The following GTF2I variants were observed in gnomAD, a reference collection of about 807,000 sequenced individuals.
GTF2I encodes the protein general transcription factor IIi.
A neutral mutation model predicts 67.6 loss-of-function variants in GTF2I; 12 were observed. The ratio of observed to expected loss-of-function variants is 0.18; its 90% confidence interval spans 0.11 to 0.29. The LOEUF is 0.29. Ranked by LOEUF, GTF2I falls within the 10% of genes least tolerant of loss-of-function variation. GTF2I has a pLI of 1.00. For synonymous variants in GTF2I, 149 were observed against 197.0 expected, an observed-to-expected ratio of 0.76 and a Z score of 2.04; for missense variants, 271 against 580.1, an observed-to-expected ratio of 0.47 and a Z score of 5.47.
At chr7:74,665,167 C>T (rs1227471533) in intron 1 of GTF2I, among the ~76,000 whole-genome samples, 1 of 150,888 alleles carries the variant, frequency 6.6e-6, no homozygotes, top group Admixed American at 6.6e-5. Context: ...GTCTCGAACT[C>T]CTGACCTCAG....
In GTF2I at chr7:74,705,183, A is replaced by G; in HGVS notation, c.606A>G (p.Thr202=). 6.2e-7 allele frequency: 1 copy of G among 1,606,364 alleles called. No individual in the cohort carries two copies. Among genetic ancestry groups the G allele is most frequent in the South Asian group, 1.1e-5 (1 of 90,918 alleles). ...ATGTAGGTGGTCGTGTGATGGTAAC[A>G]GATGCTGACAGGTCAATACTATCTC... The part of the protein sequence containing the change: ...KKHVGGRVMV[T]DADRSILSPG... The change falls in exon 7 of 35, where the codon ACA becomes ACG. Residue 202 remains threonine, a synonymous_variant. Coordinates refer to ENST00000573035, the MANE Select transcript of GTF2I (RefSeq NM_032999.4).
intron 8 of GTF2I, among the ~76,000 whole-genome samples, chr7:74,706,889 C>CACCCAG (rs1235068664): frequency 6.6e-6 from 1 of 152,194 alleles, no homozygotes; most frequent in African/African-American, 2.4e-5. Flanking sequence ...CTTGCTTTGT[C>CACCCAG]ACCCAGACTG....
intron 1 of GTF2I, among the ~76,000 whole-genome samples, chr7:74,666,104 A>G (rs1804947199): frequency 6.6e-6 from 1 of 152,086 alleles, no homozygotes; most frequent in Non-Finnish European, 1.5e-5. Context: ...CAGCCTCCCA[A>G]AGTGCTGGGA....
intron 1 of GTF2I, among the ~76,000 whole-genome samples, chr7:74,679,015 C>T (rs1786963059): frequency 6.7e-6 from 1 of 148,784 alleles, no homozygotes; most frequent in South Asian, 2.1e-4. Flanking sequence ...TGTGATTTGC[C>T]CACCTCAGCC....
At chr7:74,678,081 G>T (rs1332969756) in intron 1 of GTF2I, among the ~76,000 whole-genome samples, 2 of 151,818 alleles carry the variant, frequency 1.3e-5, no homozygotes, top group Admixed American at 1.3e-4. Flanking sequence ...AATGGACACG[G>T]GCTTACTCTG....
chr7:74,680,126 G>GTATA (rs1227570058), intron 1 of GTF2I, among the ~76,000 whole-genome samples: 1 of 122,966 alleles, frequency 8.1e-6, no homozygotes, highest in African/African-American at 3.0e-5. Context: ...ATGTATGTAT[G>GTATA]TATGTATATA....
In GTF2I at chr7:74,740,998, C is replaced by T. The variant is rs707437; in HGVS notation, c.1679-2451C>T. ...TTGACCTCCATCCTCATCCGCACCT[C>T]GTCCACACCTGAATACTCTGTCCAC... On this transcript the variant is annotated intron_variant, in intron 19 of 34. Coordinates refer to ENST00000573035, the MANE Select transcript of GTF2I (RefSeq NM_032999.4). Among the ~76,000 whole-genome samples the T allele has an allele frequency of 2.5e-3, 59 of 23,632 alleles. 1 individual carries two copies. The highest frequency in any genetic ancestry group is 3.5e-3 in the African/African-American group (16 of 4,588). 15.5% of individuals were successfully genotyped at this position (23,632 alleles called of 152,430 possible).
At chr7:74,667,641 G>A (rs971819079) in intron 1 of GTF2I, among the ~76,000 whole-genome samples, 23 of 151,576 alleles carry the variant, frequency 1.5e-4, no homozygotes, top group African/African-American at 5.6e-4. Flanking sequence ...TCAGTCTCCC[G>A]AGTAGCTGGG....
intron 1 of GTF2I, among the ~76,000 whole-genome samples, chr7:74,666,636 A>T (rs1805005104): frequency 6.6e-6 from 1 of 151,954 alleles, no homozygotes; most frequent in Non-Finnish European, 1.5e-5. Flanking sequence ...GTTTGAGACC[A>T]GCCTGGCCAA....
chr7:74,710,095 C>T (rs1399682232), intron 8 of GTF2I, among the ~76,000 whole-genome samples: 1 of 152,214 alleles, frequency 6.6e-6, no homozygotes, highest in East Asian at 1.9e-4. Flanking sequence ...AAAACACTTT[C>T]CCCTTGGTGA....
intron 10 of GTF2I, 186 bp from the exon 11 acceptor site, chr7:74,716,708 C>T: frequency 2.0e-6 from 1 of 490,136 alleles, no homozygotes; most frequent in East Asian, 3.1e-5. Context: ...TTTTAGCTTC[C>T]AAATAGAAGC....
chr7:74,735,957 C>G (rs1794834074), intron 17 of GTF2I, among the ~76,000 whole-genome samples: 2 of 21,802 alleles, frequency 9.2e-5, no homozygotes, highest in South Asian at 2.5e-3. Flanking sequence ...GCGTGAGCCA[C>G]CGCGCCCGGC....
At chr7:74,724,954 A>G (rs2131481118) in intron 12 of GTF2I, among the ~76,000 whole-genome samples, 1 of 152,276 alleles carries the variant, frequency 6.6e-6, no homozygotes. Flanking sequence ...ATATCTTAAA[A>G]TGTATTTTAA....
At chr7:74,678,398 T>C (rs978584283) in intron 1 of GTF2I, among the ~76,000 whole-genome samples, 2 of 152,164 alleles carry the variant, frequency 1.3e-5, no homozygotes, top group Admixed American at 1.3e-4. Flanking sequence ...GATTATTGTC[T>C]GAATGCAAAA....
At chr7:74,667,452 T>TTTGTTG (rs1554388972) in intron 1 of GTF2I, among the ~76,000 whole-genome samples, 1 of 152,206 alleles carries the variant, frequency 6.6e-6, no homozygotes, top group South Asian at 2.1e-4. Flanking sequence ...TGTAGTGTTT[T>TTTGTTG]TTGTTGTTGT....
At chr7:74,679,172 G>A (rs71558540) in intron 1 of GTF2I, among the ~76,000 whole-genome samples, 11,718 of 151,786 alleles carry the variant, frequency 0.077, 543 homozygotes, top group Middle Eastern at 0.16. Flanking sequence ...TCCGCCTCCC[G>A]GGTTCAAGGG....
intron 1 of GTF2I, chr7:74,684,982 CTTT>C: frequency 6.6e-6 from 1 of 152,134 alleles, no homozygotes; most frequent in Middle Eastern, 3.4e-3. Context: ...GGTTTAACTA[CTTT>C]CTGGGGTTTA....
In GTF2I at chr7:74,698,965, TGAA is replaced by T. The variant is rs782754367; in HGVS notation, c.253_255del (p.Glu85del). ...TATTTTTTATTTTTTTTACAGGTGT[TGAA>T]GAAGAAGAAAAAGCTGCAGAGATGC... is the stretch of plus-strand genomic sequence containing the variant. On this transcript the variant is annotated inframe_deletion, in exon 4 of 35. Transcript: ENST00000573035. 7.5e-5 allele frequency: 102 copies of T among 1,362,790 alleles called. No homozygotes were observed. Among genetic ancestry groups the T allele is most frequent in the Admixed American group, 2.5e-4 (9 of 36,594 alleles). The allele number at this position is 1,362,790 out of a possible 1,614,324, so 84.4% of individuals were successfully genotyped here.
At chr7:74,731,073 A>G (rs1397833635) in intron 14 of GTF2I, among the ~76,000 whole-genome samples, 4 of 151,250 alleles carry the variant, frequency 2.6e-5, no homozygotes, top group African/African-American at 9.7e-5. Context: ...TCCTTTTACT[A>G]TTCTGTCCTA....
Sources: gnomAD v4.1 joint callset for allele counts (sites outside exome capture counted in the v4.1 genomes callset) on GRCh38, gnomAD v4.1.1 for gene constraint, MANE v1.5 for transcripts, NCBI Gene and HGNC (gene_info 2026-07-23, HGNC 2026-07-21) for gene names.